The following PUM3 variants were observed in gnomAD, a reference collection of about 807,000 sequenced individuals.
PUM3 encodes pumilio homolog 3.
PUM3 carries 91 observed loss-of-function variants against 84.0 expected under a neutral mutation model. That is an observed-to-expected ratio of 1.08 (90% CI 0.91 to 1.29). The LOEUF (loss-of-function observed/expected upper bound fraction) is 1.29, where lower values mean the gene tolerates loss of function less well. PUM3 is among the 50% of genes most tolerant of loss of function. The pLI, the probability that PUM3 is intolerant of heterozygous loss-of-function variation, is 0.00. For missense variants in PUM3, 1,067 were observed against 767.5 expected (o/e 1.39, Z -4.61); for synonymous variants, 321 against 266.7 (o/e 1.20, Z -1.98).
rs377391398 is a variant in PUM3, at chr9:2,838,466, T to C, written c.42A>G (p.Thr14=). 1 of 1,613,716 alleles carries C rather than the reference T, an allele frequency of 6.2e-7. No homozygotes were observed. Among genetic ancestry groups the C allele is most frequent in the South Asian group, 1.1e-5 (1 of 91,058 alleles). ...ATCTGTTTTTTTCTTGTGCTGTCTTTGTACTCTTTCCTGTGAATTGCTTTT... is the reference window on the plus strand; with the variant it reads ...ATCTGTTTTTTTCTTGTGCTGTCTTCGTACTCTTTCCTGTGAATTGCTTTT... The part of the protein sequence containing the change: ...KGKKQFTGKS[T]KTAQEKNRFH... The change falls in exon 2 of 18, where the codon ACA becomes ACG. Residue 14 remains threonine (T), a synonymous_variant. Coordinates refer to ENST00000397885, the MANE Select transcript of PUM3 (RefSeq NM_014878.5).
intron 13 of PUM3, among the ~76,000 whole-genome samples, chr9:2,812,916 CATGA>C (rs1334667884): frequency 6.6e-6 from 1 of 152,190 alleles, no homozygotes; most frequent in Admixed American, 6.5e-5. Flanking sequence ...GTAGCACCGG[CATGA>C]ATGAAGAACA....
intron 16 of PUM3, among the ~76,000 whole-genome samples, chr9:2,808,914 CG>C (rs1821313296): frequency 6.6e-6 from 1 of 152,236 alleles, no homozygotes; most frequent in South Asian, 2.1e-4. Context: ...GGAAGTGCCA[CG>C]CATTTACTTT....
chr9:2,834,439 T>A (rs1451978679), intron 3 of PUM3, among the ~76,000 whole-genome samples: 1 of 152,236 alleles, frequency 6.6e-6, no homozygotes, highest in Non-Finnish European at 1.5e-5. Flanking sequence ...GTAACTAGAA[T>A]ATTTTAAATA....
At chr9:2,806,535 G>C (rs1821261676) in intron 17 of PUM3, among the ~76,000 whole-genome samples, 1 of 152,206 alleles carries the variant, frequency 6.6e-6, no homozygotes, top group Admixed American at 6.5e-5. Context: ...GTTGGTATCT[G>C]TTTTCCCAAA....
rs1563831980 is a variant in PUM3, at chr9:2,827,109, C to G, written c.999G>C (p.Leu333Phe). 6.2e-7 allele frequency: 1 copy of G among 1,608,828 alleles called. No individual in the cohort carries two copies. The highest frequency in any genetic ancestry group is 2.2e-5 in the East Asian group (1 of 44,678). Residue 333 changes from leucine to phenylalanine, a missense_variant, in exon 10 of 18, where the codon TTG (leucine) becomes TTC (phenylalanine). Physicochemically the swap from Leu to Phe is conservative, Grantham distance 22. Coordinates refer to ENST00000397885, the MANE Select transcript of PUM3 (RefSeq NM_014878.5). ...IKHSLVHKVF[L>F]DFFTYAPPKL... is the part of the protein sequence containing the mutation. The stretch of plus-strand genomic sequence containing the variant: ...TGGGGGGTGCATAGGTAAAAAAGTC[C>G]AAGAATACTTTATGCACCAATGAGT...
intron 13 of PUM3, among the ~76,000 whole-genome samples, chr9:2,818,660 T>G (rs1198599157): frequency 6.6e-6 from 1 of 152,160 alleles, no homozygotes; most frequent in African/African-American, 2.4e-5. Flanking sequence ...GGTAATAAAG[T>G]CACAAGGAAC....
chr9:2,833,374 G>A lies in PUM3; in HGVS notation c.499C>T (p.Gln167Ter), dbSNP rs1325449973. The change falls in exon 5 of 18, where the codon CAA becomes TAA. Residue 167 changes from glutamine (Q) to a stop codon, truncating the protein, a stop_gained. Coordinates refer to ENST00000397885, the MANE Select transcript of PUM3 (RefSeq NM_014878.5). LOFTEE classifies it high-confidence loss of function. The part of the protein sequence containing the change: ...KLMSDLQKLI[Q>*]GKIKTIAFAH... ...CTACTTACAGTTTTAATTTTCCCTT[G>A]AATCAACTTCTGCAAATCACTCATT... is the stretch of plus-strand genomic sequence containing the variant. 6.3e-7 allele frequency: 1 copy of A among 1,587,846 alleles called. No individual in the cohort carries two copies. The highest frequency in any genetic ancestry group is 1.1e-5 in the South Asian group (1 of 89,514).
At chr9:2,811,092 G>A (rs913130789) in intron 15 of PUM3, among the ~76,000 whole-genome samples, 1 of 152,204 alleles carries the variant, frequency 6.6e-6, no homozygotes, top group East Asian at 1.9e-4. Context: ...CCAATCGCAG[G>A]TGTCAGAAGC....
At chr9:2,830,910 C>A in intron 7 of PUM3, 52 bp downstream of exon 7, 2 of 920,650 alleles carry the variant, frequency 2.2e-6, no homozygotes, top group South Asian at 2.9e-5. Flanking sequence ...AGTTGGAAAC[C>A]ATGTCTTCAA....
intron 12 of PUM3, 118 bp downstream of exon 12, chr9:2,823,663 T>C (rs542872042): frequency 1.3e-4 from 63 of 493,686 alleles, no homozygotes; most frequent in Admixed American, 2.3e-4. Flanking sequence ...AAGAAAAATA[T>C]AATAAAACAA....
intron 12 of PUM3, among the ~76,000 whole-genome samples, chr9:2,822,319 C>G (rs1815667223): frequency 6.6e-6 from 1 of 152,010 alleles, no homozygotes; most frequent in South Asian, 2.1e-4. Flanking sequence ...TTTCAAAATA[C>G]TTAGACCATA....
At chr9:2,840,614 T>C (rs1185363205) in intron 1 of PUM3, among the ~76,000 whole-genome samples, 1 of 152,250 alleles carries the variant, frequency 6.6e-6, no homozygotes, top group African/African-American at 2.4e-5. Context: ...TAGTCTCAGA[T>C]ATTTATTTCA....
At chr9:2,839,602 A>C (rs1023464634) in intron 1 of PUM3, among the ~76,000 whole-genome samples, 2 of 152,236 alleles carry the variant, frequency 1.3e-5, no homozygotes, top group African/African-American at 4.8e-5. Flanking sequence ...ATAAGGGAAC[A>C]GCAGACTTCC....
chr9:2,826,498 T>C (rs1815823379), intron 10 of PUM3, among the ~76,000 whole-genome samples: 1 of 152,198 alleles, frequency 6.6e-6, no homozygotes, highest in Admixed American at 6.5e-5. Flanking sequence ...TCATTATCCC[T>C]TGTGATTGGA....
intron 5 of PUM3, among the ~76,000 whole-genome samples, chr9:2,832,281 C>T (rs1816004102): frequency 6.6e-6 from 1 of 152,084 alleles, no homozygotes; most frequent in Admixed American, 6.5e-5. Flanking sequence ...CTCAAAGCAA[C>T]AATAAGAATG....
chr9:2,841,723 A>G (rs1816271958), intron 1 of PUM3, among the ~76,000 whole-genome samples: 1 of 152,084 alleles, frequency 6.6e-6, no homozygotes, highest in South Asian at 2.1e-4. Flanking sequence ...CCAAAAAAAA[A>G]AAAAAAAGGT....
intron 2 of PUM3, among the ~76,000 whole-genome samples, chr9:2,838,222 G>T (rs192365561): frequency 6.6e-6 from 1 of 152,182 alleles, no homozygotes; most frequent in South Asian, 2.1e-4. Flanking sequence ...AGTCTTTCAT[G>T]AATAAGGCAT....
Position 2,821,249 on chromosome 9 carries a change from C to G in PUM3, c.1189-1151G>C, listed in dbSNP as rs529313037. ...CACGAGGTCAGGAGATCGAGACCATCCTGGCTAACAGGGTGAAACCCCATC... is the reference window on the plus strand; with the variant it reads ...CACGAGGTCAGGAGATCGAGACCATGCTGGCTAACAGGGTGAAACCCCATC... On this transcript the variant is annotated intron_variant, in intron 12 of 17. Coordinates refer to ENST00000397885, the MANE Select transcript of PUM3 (RefSeq NM_014878.5). Among the ~76,000 whole-genome samples, 3 of 152,022 alleles carry G rather than the reference C, an allele frequency of 2.0e-5. No individual in the cohort carries two copies. The East Asian group carries it at 5.8e-4, about 30-fold the overall frequency.
At chr9:2,816,348 C>T (rs2129811478) in intron 13 of PUM3, among the ~76,000 whole-genome samples, 1 of 152,258 alleles carries the variant, frequency 6.6e-6, no homozygotes, top group East Asian at 1.9e-4. Context: ...CAAAAGTCTA[C>T]CTTTTCAGCT....
Sources: gnomAD v4.1 joint callset for allele counts (sites outside exome capture counted in the v4.1 genomes callset) on GRCh38, gnomAD v4.1.1 for gene constraint, MANE v1.5 for transcripts, NCBI Gene and HGNC (gene_info 2026-07-23, HGNC 2026-07-21) for gene names.